The following KCNK1 variants were observed in gnomAD, a reference collection of about 807,000 sequenced individuals.
The protein encoded by KCNK1 is potassium channel subfamily K member 1.
KCNK1 carries 10 observed loss-of-function variants against 22.2 expected under a neutral mutation model. The observed-to-expected ratio is 0.45, with a 90% CI of 0.28 to 0.76. The LOEUF (loss-of-function observed/expected upper bound fraction) is 0.76. Ranked by LOEUF, KCNK1 falls within the 30% of genes least tolerant of loss-of-function variation. The pLI, the probability that KCNK1 is intolerant of heterozygous loss-of-function variation, is 0.14. For missense variants in KCNK1, 378 were observed against 421.0 expected, an observed-to-expected ratio of 0.90 and a Z score of 0.89; for synonymous variants, 200 against 186.4, an observed-to-expected ratio of 1.07 and a Z score of -0.60.
intron 1 of KCNK1, among the ~76,000 whole-genome samples, chr1:233,661,568 C>T (rs887078756): frequency 5.9e-5 from 9 of 152,210 alleles, no homozygotes; most frequent in African/African-American, 1.9e-4. Flanking sequence ...CCATCTGTGC[C>T]TCCTTGGTCG....
At chr1:233,666,083 T>C (rs1183699818) in intron 1 of KCNK1, among the ~76,000 whole-genome samples, 1 of 152,252 alleles carries the variant, frequency 6.6e-6, no homozygotes, top group African/African-American at 2.4e-5. Flanking sequence ...TCATATTATC[T>C]TGGTTCTATT....
intron 1 of KCNK1, 146 bp downstream of exon 1, chr1:233,614,672 A>C: frequency 5.2e-6 from 3 of 578,800 alleles, no homozygotes; most frequent in Non-Finnish European, 8.3e-6. Context: ...GCCTCCCCTC[A>C]CTGTCCTCCC....
At position 233,652,016 on chromosome 1, in the gene KCNK1, A is replaced by G. The variant is rs565170829; in HGVS notation, c.356-14579A>G. Among the ~76,000 whole-genome samples, 4 of 152,356 alleles carry G rather than the reference A, an allele frequency of 2.6e-5. No homozygotes were observed. The South Asian group carries it at 8.3e-4, about 32-fold the overall frequency. On this transcript the variant is annotated intron_variant, in intron 1 of 2. Transcript: ENST00000366621. Reference sequence around the variant, plus strand: ...AGGTGAACAAAGGTGATGAGGCAACAAAGGTAGCCTTTACCTGAGAGTAAC... The same window carrying G: ...AGGTGAACAAAGGTGATGAGGCAACGAAGGTAGCCTTTACCTGAGAGTAAC...
At chr1:233,636,033 G>A (rs192248437) in intron 1 of KCNK1, among the ~76,000 whole-genome samples, 1 of 152,272 alleles carries the variant, frequency 6.6e-6, no homozygotes, top group Admixed American at 6.5e-5. Flanking sequence ...ACGTGCAAAG[G>A]CCCTGAGCCA....
chr1:233,660,622 T>G (rs1197336707), intron 1 of KCNK1: 3 of 152,248 alleles, frequency 2.0e-5, no homozygotes, highest in Non-Finnish European at 4.4e-5. Flanking sequence ...TTCTGATATC[T>G]GTAGAGTTAC....
intron 1 of KCNK1, among the ~76,000 whole-genome samples, chr1:233,663,501 T>C (rs1446503859): frequency 1.3e-5 from 2 of 152,238 alleles, no homozygotes; most frequent in Non-Finnish European, 2.9e-5. Flanking sequence ...TTTACTTTTT[T>C]TTCTCTACTA....
chr1:233,640,269 A>G (rs1571896167), intron 1 of KCNK1, among the ~76,000 whole-genome samples: 1 of 152,332 alleles, frequency 6.6e-6, no homozygotes, highest in East Asian at 1.9e-4. Flanking sequence ...AATACCAATT[A>G]TGCAGTGTTG....
At chr1:233,655,973 T>C (rs536232150) in intron 1 of KCNK1, among the ~76,000 whole-genome samples, 51 of 152,160 alleles carry the variant, frequency 3.4e-4, no homozygotes, top group Non-Finnish European at 7.1e-4. Flanking sequence ...TGGTGGTTGC[T>C]TCTCATCATT....
chr1:233,648,513 A>G (rs866572579), intron 1 of KCNK1, among the ~76,000 whole-genome samples: 1 of 149,056 alleles, frequency 6.7e-6, no homozygotes, highest in Non-Finnish European at 1.5e-5. Flanking sequence ...ATGGTCCCAA[A>G]CTCTCCGTGG....
intron 2 of KCNK1, among the ~76,000 whole-genome samples, chr1:233,670,695 C>T (rs551043750): frequency 1.3e-5 from 2 of 152,280 alleles, no homozygotes; most frequent in South Asian, 4.1e-4. Flanking sequence ...TACCTCCCAC[C>T]AGGTCCCTCC....
At position 233,671,880 on chromosome 1, in the gene KCNK1, C is replaced by A; in HGVS notation, c.*350C>A. On this transcript the variant is annotated 3_prime_UTR_variant, in exon 3 of 3. Transcript: ENST00000366621. Reference sequence around the variant, plus strand: ...GAAACTTTGGGGTTTGCATTTAGATCATTTAGCTGATGGCTAAATAGCAAA... The same window carrying A: ...GAAACTTTGGGGTTTGCATTTAGATAATTTAGCTGATGGCTAAATAGCAAA... The A allele has an allele frequency of 5.0e-6, 1 of 200,536 alleles. No homozygotes were observed. The highest frequency in any genetic ancestry group is 1.0e-5 in the Non-Finnish European group (1 of 99,114). 12.4% of individuals were successfully genotyped at this position (200,536 alleles called of 1,614,324 possible).
chr1:233,632,159 T>C lies in KCNK1; in HGVS notation c.355+17633T>C, dbSNP rs146493570. 3.9e-4 allele frequency among the ~76,000 whole-genome samples: 59 copies of C among 152,376 alleles called. No individual in the cohort carries two copies. The East Asian group carries it at 9.8e-3, about 25-fold the overall frequency. ...AAAAGCTTCTTATCATGGGCTAATA[T>C]GTGCTCTGTCCACTCAGCTCAGGGA... On this transcript the variant is annotated intron_variant, in intron 1 of 2. Transcript: ENST00000366621.
chr1:233,667,630 T>C (rs1370865006), intron 2 of KCNK1, among the ~76,000 whole-genome samples: 1 of 145,526 alleles, frequency 6.9e-6, no homozygotes, highest in East Asian at 2.0e-4. Context: ...CTCGGGAGGC[T>C]GAGGCAGGAG....
chr1:233,616,238 G>GC (rs1260461760), intron 1 of KCNK1, among the ~76,000 whole-genome samples: 2 of 152,176 alleles, frequency 1.3e-5, no homozygotes, highest in African/African-American at 2.4e-5. Flanking sequence ...GATGCTTATA[G>GC]CGTGTGGTGT....
intron 1 of KCNK1, among the ~76,000 whole-genome samples, chr1:233,649,448 G>A (rs1658160704): frequency 1.3e-5 from 2 of 152,238 alleles, no homozygotes; most frequent in South Asian, 4.1e-4. Context: ...AGATAGACTG[G>A]AGATATTTTT....
intron 1 of KCNK1, among the ~76,000 whole-genome samples, chr1:233,615,818 T>C (rs1432084996): frequency 6.6e-6 from 1 of 152,094 alleles, no homozygotes; most frequent in African/African-American, 2.4e-5. Flanking sequence ...TGGTAATGAG[T>C]AATAATACAC....
chr1:233,639,746 T>C (rs1329543496), intron 1 of KCNK1, among the ~76,000 whole-genome samples: 2 of 152,170 alleles, frequency 1.3e-5, no homozygotes. Context: ...GAACGTGGCA[T>C]TGTGGTTTGC....
At chr1:233,657,672 A>G (rs1658322234) in intron 1 of KCNK1, among the ~76,000 whole-genome samples, 1 of 150,122 alleles carries the variant, frequency 6.7e-6, no homozygotes, top group African/African-American at 2.4e-5. Flanking sequence ...GAAAGAAAAG[A>G]AAGAAAGAGA....
intron 1 of KCNK1, among the ~76,000 whole-genome samples, chr1:233,645,918 G>GA (rs932813212): frequency 1.3e-5 from 2 of 151,578 alleles, no homozygotes; most frequent in Admixed American, 6.6e-5. Flanking sequence ...ACAAGGGAAA[G>GA]AAAAAAAAGC....
Sources: gnomAD v4.1 joint callset for allele counts (sites outside exome capture counted in the v4.1 genomes callset) on GRCh38, gnomAD v4.1.1 for gene constraint, MANE v1.5 for transcripts, NCBI Gene and HGNC (gene_info 2026-07-23, HGNC 2026-07-21) for gene names.